The following AUTS2 variants were observed in gnomAD, a reference collection of about 807,000 sequenced individuals.
AUTS2 encodes the protein activator of transcription and developmental regulator AUTS2, also known as autism susceptibility gene 2 protein.
In AUTS2, 17 loss-of-function variants were observed where a neutral mutation model predicts 112.4. The observed-to-expected ratio is 0.15, with a 90% CI of 0.10 to 0.23. The LOEUF is 0.23. Among genes scored for constraint, AUTS2 ranks in the 10% least tolerant of loss-of-function variants. AUTS2 has a pLI of 1.00. For missense variants in AUTS2, 1,510 were observed against 1,701.6 expected (o/e 0.89, Z 1.98); for synonymous variants, 751 against 702.7 (o/e 1.07, Z -1.09).
chr7:69,908,116 A>G (rs1584423847), intron 2 of AUTS2, among the ~76,000 whole-genome samples: 1 of 152,284 alleles, frequency 6.6e-6, no homozygotes, highest in Non-Finnish European at 1.5e-5. Context: ...TCCCTTGAAC[A>G]TTTCAGTGAA....
chr7:70,787,791 C>T (rs762081976), intron 18 of AUTS2, among the ~76,000 whole-genome samples: 13 of 152,282 alleles, frequency 8.5e-5, no homozygotes, highest in Non-Finnish European at 1.8e-4. Flanking sequence ...CTTTCAAGTC[C>T]GTGCAGTCCA....
chr7:70,219,254 A>G (rs1811341670), intron 4 of AUTS2, among the ~76,000 whole-genome samples: 1 of 152,210 alleles, frequency 6.6e-6, no homozygotes, highest in African/African-American at 2.4e-5. Flanking sequence ...AATGAGCATC[A>G]AGCACATTTA....
intron 6 of AUTS2, among the ~76,000 whole-genome samples, chr7:70,751,951 T>C (rs4717550): frequency 0.43 from 65,063 of 151,284 alleles, 14,392 homozygotes; most frequent in East Asian, 0.73. Flanking sequence ...TCTTGAACTC[T>C]GGACCTCAAG....
At chr7:69,616,261 T>C (rs1793368322) in intron 1 of AUTS2, among the ~76,000 whole-genome samples, 1 of 152,208 alleles carries the variant, frequency 6.6e-6, no homozygotes, top group Non-Finnish European at 1.5e-5. Flanking sequence ...CATTTAGATA[T>C]AAAAAGAGAC....
chr7:70,655,680 A>G (rs1049371665), intron 5 of AUTS2, among the ~76,000 whole-genome samples: 1 of 152,158 alleles, frequency 6.6e-6, no homozygotes, highest in African/African-American at 2.4e-5. Context: ...CATAGGGGAA[A>G]GAGATTGCCG....
intron 6 of AUTS2, among the ~76,000 whole-genome samples, chr7:70,723,501 C>G (rs980967953): frequency 4.6e-5 from 7 of 151,958 alleles, no homozygotes; most frequent in Non-Finnish European, 1.0e-4. Context: ...GCCCCTAGAG[C>G]CTGCACTCTT....
At chr7:70,703,220 A>G (rs913880577) in intron 6 of AUTS2, among the ~76,000 whole-genome samples, 1 of 152,156 alleles carries the variant, frequency 6.6e-6, no homozygotes, top group Admixed American at 6.5e-5. Context: ...CCCGCCGAGC[A>G]TGGTCACTCA....
At chr7:70,066,084 A>G (rs915809102) in intron 2 of AUTS2, among the ~76,000 whole-genome samples, 1 of 152,206 alleles carries the variant, frequency 6.6e-6, no homozygotes, top group African/African-American at 2.4e-5. Context: ...CTGTAGGACT[A>G]TTTGGTGCTA....
chr7:70,610,423 CTTT>C (rs3054735), intron 5 of AUTS2, among the ~76,000 whole-genome samples: 988 of 77,132 alleles, frequency 0.013, 24 homozygotes, highest in African/African-American at 0.042. Flanking sequence ...TAGCGCTCAT[CTTT>C]TTTTTTTTTT....
At chr7:70,522,445 G>A (rs947393488) in intron 5 of AUTS2, among the ~76,000 whole-genome samples, 2 of 152,122 alleles carry the variant, frequency 1.3e-5, no homozygotes, top group Non-Finnish European at 2.9e-5. Context: ...TTTAGCTCTT[G>A]CCTTCTTCCC....
intron 2 of AUTS2, among the ~76,000 whole-genome samples, chr7:69,964,169 G>A (rs1282282142): frequency 1.3e-5 from 2 of 152,086 alleles, no homozygotes; most frequent in African/African-American, 2.4e-5. Flanking sequence ...TCTTCTCAGG[G>A]AGACTCTTCT....
rs974669511 is a variant in AUTS2, at chr7:70,240,093, G to A, written c.660+105522G>A. 8.6e-5 allele frequency among the ~76,000 whole-genome samples: 13 copies of A among 152,030 alleles called. No individual in the cohort carries two copies. In the East Asian group the frequency reaches 1.2e-3, roughly 14 times the overall value. ...TTAGAGGTTGCCTGAGCTGGCTAGCGTGACATTCCTACTAAGCAATGAGCC... is the reference window on the plus strand; with the variant it reads ...TTAGAGGTTGCCTGAGCTGGCTAGCATGACATTCCTACTAAGCAATGAGCC... On this transcript the variant is annotated intron_variant, in intron 4 of 18. Coordinates refer to ENST00000342771, the MANE Select transcript of AUTS2 (RefSeq NM_015570.4).
At chr7:70,733,647 G>A (rs980239180) in intron 6 of AUTS2, among the ~76,000 whole-genome samples, 2 of 151,440 alleles carry the variant, frequency 1.3e-5, no homozygotes, top group Admixed American at 6.6e-5. Context: ...AGTACAGTGG[G>A]GTGGTCTCGG....
chr7:70,423,181 A>G (rs534934525), intron 4 of AUTS2, among the ~76,000 whole-genome samples: 1 of 152,304 alleles, frequency 6.6e-6, no homozygotes, highest in East Asian at 1.9e-4. Flanking sequence ...TTGAGTGCCT[A>G]CTAAGTGCCA....
At chr7:70,122,604 T>C (rs1205198848) in intron 3 of AUTS2, among the ~76,000 whole-genome samples, 1 of 152,156 alleles carries the variant, frequency 6.6e-6, no homozygotes, top group Non-Finnish European at 1.5e-5. Context: ...ATGAAACACT[T>C]CCGATTCATA....
chr7:70,777,015 C>T (rs931980304), intron 13 of AUTS2, 88 bp from the exon 14 acceptor site: 2 of 1,361,984 alleles, frequency 1.5e-6, no homozygotes, highest in Non-Finnish European at 2.1e-6. Context: ...GCCTCTGCAG[C>T]CAAAATCTGC....
intron 6 of AUTS2, among the ~76,000 whole-genome samples, chr7:70,733,926 A>T (rs1787614918): frequency 6.6e-6 from 1 of 151,784 alleles, no homozygotes; most frequent in Non-Finnish European, 1.5e-5. Flanking sequence ...GCTATTTTTG[A>T]TATACTTTGT....
chr7:70,495,768 A>G, intron 5 of AUTS2, among the ~76,000 whole-genome samples: 1 of 111,358 alleles, frequency 9.0e-6, no homozygotes, highest in African/African-American at 3.6e-5. Context: ...CACACACACC[A>G]CGTACACAGT....
At chr7:70,359,598 T>C (rs1169033679) in intron 4 of AUTS2, among the ~76,000 whole-genome samples, 1 of 152,096 alleles carries the variant, frequency 6.6e-6, no homozygotes, top group Non-Finnish European at 1.5e-5. Flanking sequence ...CTCAGCCGGC[T>C]CTTGAGGGAT....
Sources: allele counts gnomAD v4.1 joint callset (sites outside exome capture counted in the v4.1 genomes callset), GRCh38; gene constraint gnomAD v4.1.1; transcripts MANE v1.5; gene names NCBI Gene and HGNC (gene_info 2026-07-23, HGNC 2026-07-21).